Variants in ZNF407 observed in about 807,000 individuals in gnomAD.
The protein encoded by ZNF407 is zinc finger protein 407.
ZNF407 carries 17 observed loss-of-function variants against 131.2 expected under a neutral mutation model. The observed-to-expected ratio is 0.13, with a 90% CI of 0.09 to 0.19. The LOEUF (loss-of-function observed/expected upper bound fraction) is 0.19. Among genes scored for constraint, ZNF407 ranks in the 10% least tolerant of loss-of-function variants. ZNF407 has a pLI of 1.00. For missense variants in ZNF407, 2,681 were observed against 2,830.6 expected (o/e 0.95, Z 1.20); for synonymous variants, 1,156 against 1,062.0 (o/e 1.09, Z -1.72).
chr18:74,816,064 A>T (rs187232710), intron 4 of ZNF407, among the ~76,000 whole-genome samples: 1 of 152,304 alleles, frequency 6.6e-6, no homozygotes, highest in Non-Finnish European at 1.5e-5. Context: ...TGAGTGTCCA[A>T]ATTCATGACT....
intron 3 of ZNF407, among the ~76,000 whole-genome samples, chr18:74,767,860 G>A (rs1008961392): frequency 2.0e-5 from 3 of 148,516 alleles, no homozygotes; most frequent in South Asian, 4.3e-4. Flanking sequence ...TAGAGACGGG[G>A]TTTCACCGTG....
intron 8 of ZNF407, among the ~76,000 whole-genome samples, chr18:74,963,963 C>T (rs149913977): frequency 2.0e-5 from 3 of 152,350 alleles, no homozygotes; most frequent in Admixed American, 6.5e-5. Context: ...GGCCTCATTA[C>T]AGCTGCCTCT....
intron 3 of ZNF407, among the ~76,000 whole-genome samples, chr18:74,720,158 T>G (rs778753624): frequency 1.4e-5 from 2 of 142,858 alleles, no homozygotes; most frequent in African/African-American, 2.5e-5. Context: ...TTTCTCCACA[T>G]CCTTGCCAGC....
intron 8 of ZNF407, among the ~76,000 whole-genome samples, chr18:74,929,389 TAAAA>T (rs137939850): frequency 6.9e-6 from 1 of 145,976 alleles, no homozygotes; most frequent in Non-Finnish European, 1.5e-5. Context: ...TTAAAACAGT[TAAAA>T]AAAAAAAGTA....
At chr18:74,657,887 ACTT>A (rs142816922) in intron 3 of ZNF407, among the ~76,000 whole-genome samples, 4 of 143,292 alleles carry the variant, frequency 2.8e-5, no homozygotes, top group Non-Finnish European at 6.0e-5. Context: ...CTTGCTCTCT[ACTT>A]CTCCTTTTCC....
intron 2 of ZNF407, among the ~76,000 whole-genome samples, chr18:74,638,024 G>A (rs555500): frequency 0.01 from 1,590 of 152,208 alleles, 29 homozygotes; most frequent in African/African-American, 0.036. Flanking sequence ...CATTTCTCCC[G>A]CATTGGTCTG....
intron 4 of ZNF407, among the ~76,000 whole-genome samples, chr18:74,812,604 A>C (rs1970212693): frequency 6.6e-6 from 1 of 152,014 alleles, no homozygotes; most frequent in Non-Finnish European, 1.5e-5. Context: ...TGTTCGTTCT[A>C]TGAGGTTTGA....
chr18:74,956,172 A>C (rs551635773), intron 8 of ZNF407, among the ~76,000 whole-genome samples: 1 of 152,156 alleles, frequency 6.6e-6, no homozygotes, highest in Non-Finnish European at 1.5e-5. Context: ...ATAGACGTTC[A>C]TTGTTTATCA....
intron 4 of ZNF407, among the ~76,000 whole-genome samples, chr18:74,846,732 G>A (rs149563948): frequency 0.014 from 2,100 of 151,546 alleles, 25 homozygotes; most frequent in Non-Finnish European, 0.02. Context: ...CTTGGCTCAC[G>A]CCTGTAACCC....
chr18:74,680,183 G>A (rs949523526), intron 3 of ZNF407, among the ~76,000 whole-genome samples: 1 of 152,104 alleles, frequency 6.6e-6, no homozygotes, highest in African/African-American at 2.4e-5. Context: ...TTGAGCCAAG[G>A]AGTTCAAGAC....
intron 3 of ZNF407, among the ~76,000 whole-genome samples, chr18:74,712,726 G>A (rs577511948): frequency 7.9e-5 from 12 of 152,290 alleles, no homozygotes; most frequent in South Asian, 2.1e-4. Flanking sequence ...CTGGCTAGCT[G>A]AGCAGGTTCT....
intron 8 of ZNF407, among the ~76,000 whole-genome samples, chr18:74,941,975 A>T (rs1972104388): frequency 6.6e-6 from 1 of 152,224 alleles, no homozygotes; most frequent in Admixed American, 6.5e-5. Context: ...TAGACTAAAA[A>T]TAGATGATCT....
chr18:74,820,527 A>T (rs529584787), intron 4 of ZNF407, among the ~76,000 whole-genome samples: 11 of 152,370 alleles, frequency 7.2e-5, no homozygotes, highest in Non-Finnish European at 1.3e-4. Flanking sequence ...GTTTTGGTGC[A>T]AAGTGAAAGA....
At chr18:74,826,147 T>A (rs967677489) in intron 4 of ZNF407, among the ~76,000 whole-genome samples, 4 of 152,216 alleles carry the variant, frequency 2.6e-5, no homozygotes, top group Non-Finnish European at 4.4e-5. Flanking sequence ...AGTTGGCTAT[T>A]TTTGGTTTTA....
chr18:74,763,990 G>A (rs1167436852), intron 3 of ZNF407, among the ~76,000 whole-genome samples: 1 of 151,912 alleles, frequency 6.6e-6, no homozygotes, highest in African/African-American at 2.4e-5. Context: ...TGGGATTACA[G>A]GCGTGAGCCA....
intron 8 of ZNF407, among the ~76,000 whole-genome samples, chr18:75,060,761 T>C (rs1467510058): frequency 6.6e-6 from 1 of 152,172 alleles, no homozygotes. Flanking sequence ...CGCCTCGGCC[T>C]CCCAAAGTGC....
At chr18:74,726,978 A>C (rs1968173243) in intron 3 of ZNF407, among the ~76,000 whole-genome samples, 1 of 151,966 alleles carries the variant, frequency 6.6e-6, no homozygotes, top group African/African-American at 2.4e-5. Flanking sequence ...GCTTTTTTGC[A>C]TTTTTTCCAT....
rs754535239 is a variant in ZNF407 at position 74,633,969 on chromosome 18, C to G, written c.2950C>G (p.His984Asp). Residue 984 changes from histidine to aspartate, a missense_variant, in exon 2 of 9, where the codon CAT becomes GAT. Physicochemically the swap from His to Asp is moderately conservative, Grantham distance 81 (BLOSUM62 -1). Around this residue, in one of 6 missense-constraint regions of ZNF407, gnomAD observed 1,789 missense variants for 1,748.7 expected, o/e 1.02. Transcript: ENST00000299687. The part of the protein sequence containing the change: ...FHSLDGEVNS[H>D]LLDKKEQISS... ...TTCTCTAGATGGAGAAGTTAACAGC[C>G]ATCTTCTTGATAAAAAGGAGCAAAT... 2.5e-6 allele frequency: 4 copies of G among 1,613,872 alleles called. No homozygotes were observed. In the African/African-American group the frequency reaches 5.3e-5, roughly 22 times the overall value.
chr18:74,846,457 G>A (rs1239997350), intron 4 of ZNF407, among the ~76,000 whole-genome samples: 5 of 150,864 alleles, frequency 3.3e-5, no homozygotes, highest in African/African-American at 9.7e-5. Flanking sequence ...CTCCTGCCTC[G>A]GCCTCCTGAG....
Sources: gnomAD v4.1 joint callset for allele counts (sites outside exome capture counted in the v4.1 genomes callset) on GRCh38, gnomAD v4.1.1 for gene constraint, gnomAD v4.1.1 regional missense constraint, MANE v1.5 for transcripts, NCBI Gene and HGNC (gene_info 2026-07-23, HGNC 2026-07-21) for gene names.